The following CMC2 variants were observed in gnomAD, a reference collection of about 807,000 sequenced individuals.
CMC2 encodes the protein C-X9-C motif containing 2, also known as COX assembly mitochondrial protein 2 homolog.
Under a neutral mutation model 7.5 loss-of-function variants are expected in CMC2, and 5 were observed. The observed-to-expected ratio is 0.66, with a 90% CI of 0.35 to 1.40. The LOEUF (loss-of-function observed/expected upper bound fraction) is 1.40, where lower values mean the gene tolerates loss of function less well. Ranked by LOEUF, CMC2 falls within the 40% of genes most tolerant of loss-of-function variation. The pLI is 0.04. For missense variants in CMC2, 115 were observed against 92.3 expected, an observed-to-expected ratio of 1.25 and a Z score of -1.01; for synonymous variants, 37 against 31.4, an observed-to-expected ratio of 1.18 and a Z score of -0.60.
intron 1 of CMC2, among the ~76,000 whole-genome samples, chr16:80,999,794 T>C (rs1016967766): frequency 6.6e-6 from 1 of 152,200 alleles, no homozygotes; most frequent in African/African-American, 2.4e-5. Context: ...AAATAAGCAA[T>C]GGCAAAAGGA....
intron 1 of CMC2, among the ~76,000 whole-genome samples, chr16:81,001,033 T>C (rs967146496): frequency 6.6e-6 from 1 of 152,224 alleles, no homozygotes; most frequent in African/African-American, 2.4e-5. Flanking sequence ...GACGAAATTA[T>C]GTCCTTTGCA....
intron 2 of CMC2, among the ~76,000 whole-genome samples, chr16:80,996,603 T>C (rs890443180): frequency 6.6e-6 from 1 of 152,230 alleles, no homozygotes; most frequent in Non-Finnish European, 1.5e-5. Context: ...ATTTTACTCA[T>C]TTAAGTGATA....
intron 1 of CMC2, chr16:80,998,313 T>A (rs1256205943): frequency 6.6e-6 from 1 of 150,698 alleles, no homozygotes; most frequent in African/African-American, 2.4e-5. Flanking sequence ...AAGTTCCAAA[T>A]AGAAAACAGG....
Position 80,981,846 on chromosome 16 carries a change from T to C in CMC2, c.113A>G (p.Asn38Ser). The C allele has an allele frequency of 2.5e-6, 4 of 1,610,864 alleles. No individual in the cohort carries two copies. The highest frequency in any genetic ancestry group is 3.4e-6 in the Non-Finnish European group (4 of 1,178,114). The change falls in exon 3 of 4, where the codon AAT becomes AGT. Residue 38 changes from asparagine (N) to serine (S), a missense_variant. Transcript: ENST00000219400. ...HNILKFFGYC[N>S]DVDRELRKCL... ...TTTTCTCAACTCCCGATCAACATCA[T>C]TACAATAACCAAAAAATTTCAGAAT...
rs752096791 is a variant in CMC2, at chr16:80,968,632, T to C, written c.*7461A>G. 3 of 152,218 alleles carry C rather than the reference T, an allele frequency of 2.0e-5. No individual in the cohort carries two copies. The highest frequency in any genetic ancestry group is 2.1e-4 in the South Asian group (1 of 4,834). The allele number at this position is 152,218 out of a possible 1,614,324, so 9.4% of individuals were successfully genotyped here. A position where few individuals can be genotyped will look rare whatever the true frequency, so the allele number is the denominator to read the frequency against. ...TAAAATTTTATGTACAGGATATCTG[T>C]TTCTGGTAAAATAGCTCATTAGGTA... On this transcript the variant is annotated 3_prime_UTR_variant, in exon 4 of 4. Transcript: ENST00000219400.
chr16:80,986,243 G>A (rs776877024), intron 2 of CMC2, among the ~76,000 whole-genome samples: 8 of 152,098 alleles, frequency 5.3e-5, no homozygotes, highest in Non-Finnish European at 1.2e-4. Context: ...CCAGCTACTC[G>A]TGAGGCTGAG....
At chr16:80,976,277 C>G in intron 3 of CMC2, 98 bp from the exon 4 acceptor site, 1 of 656,412 alleles carries the variant, frequency 1.5e-6, no homozygotes, top group Non-Finnish European at 2.6e-6. Flanking sequence ...TATAAATGTC[C>G]TTTGAGGTTA....
intron 1 of CMC2, among the ~76,000 whole-genome samples, chr16:81,005,590 G>A (rs2549875): frequency 1.3e-5 from 2 of 151,768 alleles, no homozygotes; most frequent in African/African-American, 4.8e-5. Context: ...ACTTATCACA[G>A]GACCAGTTCT....
At chr16:80,998,403 C>T (rs934702039) in intron 1 of CMC2, 1 of 151,736 alleles carries the variant, frequency 6.6e-6, no homozygotes, top group African/African-American at 2.4e-5. Context: ...TGTGGAGAAA[C>T]TGAAACTCCT....
At chr16:80,979,994 C>A (rs1249062940) in intron 3 of CMC2, among the ~76,000 whole-genome samples, 1 of 152,158 alleles carries the variant, frequency 6.6e-6, no homozygotes, top group African/African-American at 2.4e-5. Flanking sequence ...AGATAGCTCA[C>A]TGCAGCCATG....
In CMC2 at chr16:80,980,859, C is replaced by A. The variant is rs958267142; in HGVS notation, c.153+947G>T. 5 of 699,158 alleles carry A rather than the reference C, an allele frequency of 7.2e-6. No homozygotes were observed. The African/African-American group carries it at 8.8e-5, about 12-fold the overall frequency. The allele number at this position is 699,158 out of a possible 1,614,324, so 43.3% of individuals were successfully genotyped here. The stretch of plus-strand genomic sequence containing the variant: ...TTACGATCACCCTACTGCACTCCAG[C>A]TTAGGTGACAGAGCAAGAACCTGTC... On this transcript the variant is annotated intron_variant, in intron 3 of 3. Coordinates refer to ENST00000219400, the MANE Select transcript of CMC2 (RefSeq NM_020188.5).
chr16:80,978,353 A>C, intron 3 of CMC2: 1 of 1,268,036 alleles, frequency 7.9e-7, no homozygotes, highest in Non-Finnish European at 1.0e-6. Flanking sequence ...GTTACAAAGC[A>C]AATTAAAATA....
chr16:81,006,711 C>T, intron 1 of CMC2, 23 bp downstream of exon 1: 1 of 985,404 alleles, frequency 1.0e-6, no homozygotes, highest in Non-Finnish European at 1.2e-6. Context: ...GCGTTCGGAA[C>T]GGCCTGGACT....
At chr16:80,993,045 C>T (rs547605200) in intron 2 of CMC2, among the ~76,000 whole-genome samples, 3 of 152,104 alleles carry the variant, frequency 2.0e-5, no homozygotes, top group Non-Finnish European at 4.4e-5. Context: ...GTGTTTGTAT[C>T]GTTTCATTTT....
chr16:80,994,327 G>A (rs1186308952), intron 2 of CMC2, among the ~76,000 whole-genome samples: 2 of 149,190 alleles, frequency 1.3e-5, no homozygotes, highest in Non-Finnish European at 3.0e-5. Context: ...TGTGACCACA[G>A]AATACACAAA....
In CMC2 at chr16:80,976,119, TAAA is replaced by T. The variant is rs761870147; in HGVS notation, c.211_213del (p.Phe71del). ...TATTTTTCGGATTCCTCTGGAGGAT[TAAA>T]AAGTTTCTTTCGCATTGCAATGCCA... is the stretch of plus-strand genomic sequence containing the variant. On this transcript the variant is annotated inframe_deletion, in exon 4 of 4. Transcript: ENST00000219400. 6.2e-7 allele frequency: 1 copy of T among 1,608,612 alleles called. No homozygotes were observed. The highest frequency in any genetic ancestry group is 1.7e-5 in the Admixed American group (1 of 59,976).
chr16:80,993,534 A>G (rs1968173242), intron 2 of CMC2, among the ~76,000 whole-genome samples: 1 of 152,214 alleles, frequency 6.6e-6, no homozygotes, highest in Non-Finnish European at 1.5e-5. Context: ...TCACAATGCC[A>G]TAGTCACTAC....
chr16:80,981,144 A>G (rs531103500), intron 3 of CMC2, among the ~76,000 whole-genome samples: 25 of 152,136 alleles, frequency 1.6e-4, no homozygotes, highest in Admixed American at 1.2e-3. Context: ...TAGCCATCAT[A>G]TATTTTTAAA....
chr16:80,971,601 T>TGC lies in CMC2; in HGVS notation c.*4491_*4492insGC. 1 of 145,524 alleles carries TGC rather than the reference T, an allele frequency of 6.9e-6. No individual in the cohort carries two copies. Among genetic ancestry groups the TGC allele is most frequent in the Non-Finnish European group, 1.5e-5 (1 of 67,080 alleles). The allele number at this position is 145,524 out of a possible 1,614,324, so 9.0% of individuals were successfully genotyped here. A position where few individuals can be genotyped will look rare whatever the true frequency, so the allele number is the denominator to read the frequency against. ...ATATATATATGTATGAAATCATGCA[T>TGC]ATATATATATGTATGAAATCATGCA... On this transcript the variant is annotated 3_prime_UTR_variant, in exon 4 of 4. Transcript: ENST00000219400.
Sources: gnomAD v4.1 joint callset for allele counts (sites outside exome capture counted in the v4.1 genomes callset) on GRCh38, gnomAD v4.1.1 for gene constraint, MANE v1.5 for transcripts, NCBI Gene and HGNC (gene_info 2026-07-23, HGNC 2026-07-21) for gene names.